The following DOCK4 variants were observed in gnomAD, a reference collection of about 807,000 sequenced individuals.
The protein encoded by DOCK4 is dedicator of cytokinesis 4, also known as dedicator of cytokinesis protein 4.
Under a neutral mutation model 268.1 loss-of-function variants are expected in DOCK4, and 97 were observed. That is an observed-to-expected ratio of 0.36 (90% confidence interval 0.31 to 0.43). The LOEUF (loss-of-function observed/expected upper bound fraction) is 0.43, where lower values mean the gene tolerates loss of function less well. Ranked by LOEUF, DOCK4 falls within the 20% of genes least tolerant of loss-of-function variation. DOCK4 has a pLI of 1.00. For synonymous variants in DOCK4, 954 were observed against 887.2 expected, an observed-to-expected ratio of 1.08 and a Z score of -1.34; for missense variants, 2,145 against 2,455.7, an observed-to-expected ratio of 0.87 and a Z score of 2.67.
At chr7:111,831,052 A>T (rs1289343918) in intron 26 of DOCK4, among the ~76,000 whole-genome samples, 2 of 152,068 alleles carry the variant, frequency 1.3e-5, no homozygotes, top group African/African-American at 4.8e-5. Context: ...ACTGGCTGAC[A>T]GTTTCCAGAT....
intron 1 of DOCK4, among the ~76,000 whole-genome samples, chr7:112,102,405 T>C (rs1810777821): frequency 6.6e-6 from 1 of 152,190 alleles, no homozygotes; most frequent in Non-Finnish European, 1.5e-5. Flanking sequence ...ATTTTCTAGT[T>C]GTGTGGCCTT....
chr7:112,013,005 A>G (rs1198378204), intron 1 of DOCK4, among the ~76,000 whole-genome samples: 1 of 152,152 alleles, frequency 6.6e-6, no homozygotes, highest in African/African-American at 2.4e-5. Context: ...GTTAGCAAAT[A>G]TCACAAAAGT....
At chr7:111,742,216 G>A (rs3757649) in intron 44 of DOCK4, 84 bp from the exon 45 acceptor site, 450,826 of 1,357,432 alleles carry the variant, frequency 0.33, 79,105 homozygotes, top group East Asian at 0.55. Context: ...ACTTTACTAC[G>A]CATTTCGCTT....
At chr7:111,806,719 C>T (rs1800703614) in intron 30 of DOCK4, among the ~76,000 whole-genome samples, 1 of 152,100 alleles carries the variant, frequency 6.6e-6, no homozygotes, top group Non-Finnish European at 1.5e-5. Context: ...CTGCTGTGCC[C>T]CAATCCCAGA....
intron 8 of DOCK4, among the ~76,000 whole-genome samples, chr7:111,975,301 A>G (rs1486445184): frequency 2.6e-5 from 4 of 152,192 alleles, no homozygotes; most frequent in African/African-American, 9.6e-5. Flanking sequence ...TTAGTTTAAC[A>G]GAAATGAGCA....
In DOCK4 at chr7:112,004,110, G is replaced by A. The variant is rs1248948178; in HGVS notation, c.59C>T (p.Thr20Ile). 3.1e-6 allele frequency: 5 copies of A among 1,596,562 alleles called. No homozygotes were observed. In the Admixed American group the frequency reaches 6.9e-5, roughly 22 times the overall value. Residue 20 changes from threonine to isoleucine, a missense_variant, in exon 2 of 53, where the codon ACC (threonine) becomes ATC (isoleucine). Coordinates refer to ENST00000428084, the MANE Select transcript of DOCK4 (RefSeq NM_001363540.2). ...TTCCAATGACAGGCCATATGGAACGGTTCCTCGGAAACTGGCAATAACTGT... is the reference window on the plus strand; with the variant it reads ...TTCCAATGACAGGCCATATGGAACGATTCCTCGGAAACTGGCAATAACTGT... ...YGVVIASFRGTVPYGLSLEIG... is the reference protein window; with the variant it reads ...YGVVIASFRGIVPYGLSLEIG...
rs866851109 is a variant in DOCK4, at chr7:112,096,384, T to A, written c.38-92253A>T. 2.6e-5 allele frequency among the ~76,000 whole-genome samples: 4 copies of A among 152,246 alleles called. No homozygotes were observed. The East Asian group carries it at 7.7e-4, about 29-fold the overall frequency. Reference sequence around the variant, plus strand: ...TTTTGGTAGATGTGGGGTTTCACTTTGTTGCACAGGCTGGTCTCCAACTCC... The same window carrying A: ...TTTTGGTAGATGTGGGGTTTCACTTAGTTGCACAGGCTGGTCTCCAACTCC... On this transcript the variant is annotated intron_variant, in intron 1 of 52. Transcript: ENST00000428084.
At chr7:111,934,700 T>G (rs1247176361) in intron 12 of DOCK4, among the ~76,000 whole-genome samples, 2 of 145,992 alleles carry the variant, frequency 1.4e-5, no homozygotes, top group African/African-American at 5.3e-5. Context: ...CGGCTAATTT[T>G]TGTATTTTTT....
chr7:111,765,373 G>T (rs1797703379), intron 38 of DOCK4, among the ~76,000 whole-genome samples, 151 bp from the exon 39 acceptor site: 1 of 152,094 alleles, frequency 6.6e-6, no homozygotes, highest in Non-Finnish European at 1.5e-5. Context: ...GATGCTTTAA[G>T]TCGGGGATTG....
intron 2 of DOCK4, among the ~76,000 whole-genome samples, chr7:112,002,615 G>A (rs1360820663): frequency 1.3e-5 from 2 of 152,074 alleles, no homozygotes; most frequent in Non-Finnish European, 2.9e-5. Flanking sequence ...GGGGAATACA[G>A]TTTCATCTAT....
chr7:111,916,439 C>T (rs1371565447), intron 12 of DOCK4, among the ~76,000 whole-genome samples: 1 of 151,914 alleles, frequency 6.6e-6, no homozygotes, highest in Non-Finnish European at 1.5e-5. Context: ...ATAATGAAAC[C>T]AGGATTATAT....
chr7:111,982,479 G>A (rs976311676), intron 7 of DOCK4, among the ~76,000 whole-genome samples: 3 of 152,094 alleles, frequency 2.0e-5, no homozygotes, highest in African/African-American at 7.2e-5. Context: ...ATGCTTACAT[G>A]TTGTGCAAAT....
At chr7:112,166,839 T>C (rs977624653) in intron 1 of DOCK4, among the ~76,000 whole-genome samples, 19 of 151,910 alleles carry the variant, frequency 1.3e-4, no homozygotes, top group African/African-American at 4.4e-4. Flanking sequence ...AATTCTTCTT[T>C]TTTTTTTTAA....
At chr7:111,926,633 C>A (rs1043279681) in intron 12 of DOCK4, among the ~76,000 whole-genome samples, 1 of 149,882 alleles carries the variant, frequency 6.7e-6, no homozygotes, top group South Asian at 2.1e-4. Context: ...CTATCCTGGC[C>A]AACATGGTAA....
chr7:112,014,295 G>GT (rs1192050126), intron 1 of DOCK4, among the ~76,000 whole-genome samples: 5 of 152,120 alleles, frequency 3.3e-5, no homozygotes, highest in African/African-American at 1.2e-4. Context: ...CATTTTATTA[G>GT]TTTTTATCAA....
intron 27 of DOCK4, chr7:111,821,852 A>G (rs1488681035): frequency 6.6e-6 from 1 of 152,562 alleles, no homozygotes; most frequent in African/African-American, 2.4e-5. Context: ...AGAAGAATTA[A>G]GAAAGATCAG....
intron 1 of DOCK4, among the ~76,000 whole-genome samples, chr7:112,099,530 T>C (rs1490521499): frequency 6.6e-6 from 1 of 152,218 alleles, no homozygotes; most frequent in Non-Finnish European, 1.5e-5. Context: ...GTAAGTCCCA[T>C]GAGGTCAGGA....
At chr7:112,093,878 GAA>G (rs5886610) in intron 1 of DOCK4, among the ~76,000 whole-genome samples, 4,006 of 129,436 alleles carry the variant, frequency 0.031, 130 homozygotes, top group African/African-American at 0.088. Context: ...GACATATAAG[GAA>G]AAAAAAAAAA....
chr7:111,777,278 G>T (rs912896602), intron 36 of DOCK4, among the ~76,000 whole-genome samples: 5 of 152,120 alleles, frequency 3.3e-5, no homozygotes, highest in Admixed American at 2.6e-4. Context: ...GTGAAATAAA[G>T]ACATTCTTAG....
Sources: gnomAD v4.1 joint callset for allele counts (sites outside exome capture counted in the v4.1 genomes callset) on GRCh38, gnomAD v4.1.1 for gene constraint, MANE v1.5 for transcripts, NCBI Gene and HGNC (gene_info 2026-07-23, HGNC 2026-07-21) for gene names.